Variants in PCDHGB2 observed in about 807,000 individuals in gnomAD.
The protein encoded by PCDHGB2 is protocadherin gamma-B2.
In PCDHGB2, 55 loss-of-function variants were observed where a neutral mutation model predicts 59.3. That is an observed-to-expected ratio of 0.93 (90% confidence interval 0.75 to 1.16). The LOEUF (loss-of-function observed/expected upper bound fraction) is 1.16. Among genes scored for constraint, PCDHGB2 ranks in the 50% most tolerant of loss-of-function variants. PCDHGB2 has a pLI of 0.00. For synonymous variants in PCDHGB2, 516 were observed against 512.0 expected, an observed-to-expected ratio of 1.01 and a Z score of -0.11; for missense variants, 1,228 against 1,198.5, an observed-to-expected ratio of 1.02 and a Z score of -0.36.
intron 1 of PCDHGB2, among the ~76,000 whole-genome samples, chr5:141,452,542 C>T (rs2098743637): frequency 6.6e-6 from 1 of 152,180 alleles, no homozygotes; most frequent in Admixed American, 6.6e-5. Flanking sequence ...CATATTGATA[C>T]CTCCAGTTCT....
At chr5:141,372,155 G>T in intron 1 of PCDHGB2, 1 of 1,613,796 alleles carries the variant, frequency 6.2e-7, no homozygotes, top group Non-Finnish European at 8.5e-7. Flanking sequence ...CTGGCTACCT[G>T]GTGACCAAGG....
chr5:141,455,928 C>T (rs1160778812), intron 1 of PCDHGB2, among the ~76,000 whole-genome samples: 3 of 151,158 alleles, frequency 2.0e-5, no homozygotes, highest in African/African-American at 4.9e-5. Context: ...GACGGAGTCT[C>T]GCTCTGTCGC....
At chr5:141,404,472 T>C in intron 1 of PCDHGB2, 1 of 1,613,692 alleles carries the variant, frequency 6.2e-7, no homozygotes, top group Non-Finnish European at 8.5e-7. Context: ...TATGTCTCTA[T>C]TAACTCAGAC....
intron 1 of PCDHGB2, among the ~76,000 whole-genome samples, chr5:141,363,511 A>T (rs1323894017): frequency 6.6e-6 from 1 of 152,256 alleles, no homozygotes; most frequent in Non-Finnish European, 1.5e-5. Flanking sequence ...CATCCTCCAC[A>T]GTTACTATAC....
chr5:141,374,902 C>T (rs1481689020), intron 1 of PCDHGB2: 2 of 1,613,754 alleles, frequency 1.2e-6, no homozygotes, highest in Middle Eastern at 1.6e-4. Flanking sequence ...ATGAAGGAGT[C>T]CACGGGGAAG....
intron 1 of PCDHGB2, among the ~76,000 whole-genome samples, chr5:141,484,796 C>A (rs987893041): frequency 1.3e-5 from 2 of 151,304 alleles, no homozygotes; most frequent in African/African-American, 4.9e-5. Flanking sequence ...GATAACAACC[C>A]GTGGAAAAAC....
intron 1 of PCDHGB2, chr5:141,375,433 C>T: frequency 6.2e-7 from 1 of 1,614,016 alleles, no homozygotes; most frequent in African/African-American, 1.3e-5. Context: ...ACAACCCGCC[C>T]ACCTTCCCCC....
intron 1 of PCDHGB2, chr5:141,417,959 C>A (rs759279387): frequency 5.0e-6 from 8 of 1,613,734 alleles, no homozygotes; most frequent in Non-Finnish European, 6.8e-6. Context: ...TGAGCCGATC[C>A]GCTACTCGAT....
intron 1 of PCDHGB2, chr5:141,394,756 A>T (rs757241753): frequency 1.2e-6 from 2 of 1,613,324 alleles, no homozygotes; most frequent in Non-Finnish European, 1.7e-6. Flanking sequence ...GCCGTCCAGG[A>T]CCATGGCCAG....
chr5:141,388,094 G>A (rs2091235940), intron 1 of PCDHGB2: 1 of 1,377,208 alleles, frequency 7.3e-7, no homozygotes, highest in Non-Finnish European at 1.0e-6. Flanking sequence ...GCGTCAGTTC[G>A]GAGAAGCCTT....
chr5:141,433,358 C>CCTATCTAT (rs3074541), intron 1 of PCDHGB2: 29,853 of 503,480 alleles, frequency 0.059, 1,017 homozygotes, highest in East Asian at 0.071. Context: ...CTACTGTCTG[C>CCTATCTAT]CTATCTATCT....
intron 1 of PCDHGB2, chr5:141,383,737 T>TC: frequency 6.2e-7 from 1 of 1,613,998 alleles, no homozygotes; most frequent in Non-Finnish European, 8.5e-7. Flanking sequence ...AGTGACATAT[T>TC]CTTTTCGGAA....
In PCDHGB2 at chr5:141,432,039, G is replaced by A; in HGVS notation, c.2422-62768G>A. 1 of 1,614,176 alleles carries A rather than the reference G, an allele frequency of 6.2e-7. No individual in the cohort carries two copies. The highest frequency in any genetic ancestry group is 8.5e-7 in the Non-Finnish European group (1 of 1,180,028). ...AACATCACAGTGACCGCCACTGACC[G>A]GGGAACCCCGCCCCTATCCACGGAA... On this transcript the variant is annotated intron_variant, in intron 1 of 3. Coordinates refer to ENST00000522605, the MANE Select transcript of PCDHGB2 (RefSeq NM_018923.3). This position sits in a 1 kb window ranked among gnomAD's most constrained non-coding sequence, Gnocchi z 6.0.
At position 141,408,901 on chromosome 5, in the gene PCDHGB2, G is replaced by A. The variant is rs529239605; in HGVS notation, c.2421+46345G>A. On this transcript the variant is annotated intron_variant, in intron 1 of 3. Transcript: ENST00000522605. ...CCGCTCACATAGAAATTTCTGTCAA[G>A]GATACCAATGATAACCCCCCGGTTT... 269 of 1,613,216 alleles carry A rather than the reference G, an allele frequency of 1.7e-4. 6 individuals carry two copies. The South Asian group carries it at 2.8e-3, about 17-fold the overall frequency.
chr5:141,387,923 G>T lies in PCDHGB2; in HGVS notation c.2421+25367G>T, dbSNP rs2091157364. The T allele has an allele frequency of 2.7e-6, 4 of 1,475,394 alleles. No individual in the cohort carries two copies. In the Admixed American group the frequency reaches 1.1e-4, roughly 39 times the overall value. 91.4% of individuals were successfully genotyped at this position (1,475,394 alleles called of 1,614,324 possible). On this transcript the variant is annotated intron_variant, in intron 1 of 3. Coordinates refer to ENST00000522605, the MANE Select transcript of PCDHGB2 (RefSeq NM_018923.3). ...CCGGGGAGCTGGGCCGGGCTGAGAG[G>T]CTGCCAGTGCTCTTTCTCTTCCTGC...
chr5:141,447,078 G>A (rs531206989), intron 1 of PCDHGB2, among the ~76,000 whole-genome samples: 5 of 152,018 alleles, frequency 3.3e-5, no homozygotes, highest in Non-Finnish European at 7.4e-5. Context: ...TTTAATTTTT[G>A]TTGTTTAATT....
At chr5:141,433,205 TTTC>T in intron 1 of PCDHGB2, 1 of 1,573,264 alleles carries the variant, frequency 6.4e-7, no homozygotes, top group Non-Finnish European at 8.6e-7. Context: ...TCAAATCTTC[TTTC>T]TTTTTTTTTT....
At chr5:141,474,090 AAACAACAACAAAAAC>A (rs1459798801) in intron 1 of PCDHGB2, among the ~76,000 whole-genome samples, 1 of 152,206 alleles carries the variant, frequency 6.6e-6, no homozygotes, top group African/African-American at 2.4e-5. Flanking sequence ...ACCAAAAAAC[AAACAACAACAAAAAC>A]AACAACAACG....
Position 141,511,089 on chromosome 5 carries a change from C to T in PCDHGB2, c.2712C>T (p.Thr904=). The change falls in exon 4 of 4, where the codon ACC becomes ACT. Residue 904 remains threonine (T), a synonymous_variant. Transcript: ENST00000522605. ...TCCCAGGCAGCAATGCCACACTGAC[C>T]AACGCAGCTGGCAAGCGGGATGGCA... is the stretch of plus-strand genomic sequence containing the variant. ...VYIPGSNATL[T]NAAGKRDGKA... 1 of 1,614,212 alleles carries T rather than the reference C, an allele frequency of 6.2e-7. No individual in the cohort carries two copies. Among genetic ancestry groups the T allele is most frequent in the Non-Finnish European group, 8.5e-7 (1 of 1,180,026 alleles).
Sources: gnomAD v4.1 joint callset for allele counts (sites outside exome capture counted in the v4.1 genomes callset) on GRCh38, gnomAD v4.1.1 for gene constraint, Gnocchi (gnomAD v3.1) non-coding constraint, MANE v1.5 for transcripts, NCBI Gene and HGNC (gene_info 2026-07-23, HGNC 2026-07-21) for gene names.